PAX7: variants seen among roughly 807,000 people sequenced by gnomAD.
PAX7 encodes paired box protein Pax-7.
A neutral mutation model predicts 50.7 loss-of-function variants in PAX7; 18 were observed. The ratio of observed to expected loss-of-function variants is 0.36; its 90% CI spans 0.25 to 0.53. The LOEUF is 0.53. Among genes scored for constraint, PAX7 ranks in the 20% least tolerant of loss-of-function variants. The pLI is 0.93. For missense variants in PAX7, 644 were observed against 702.9 expected (o/e 0.92, Z 0.95); for synonymous variants, 310 against 290.4 (o/e 1.07, Z -0.69).
In PAX7 at chr1:18,697,442, G is replaced by A. The variant is rs922989295; in HGVS notation, c.787-3211G>A. ...AGAATGATACTTACCTGTGGCTGGC[G>A]CTGTTCTAAGCATGTTGCCTGTGCT... is the stretch of plus-strand genomic sequence containing the variant. On this transcript the variant is annotated intron_variant, in intron 5 of 8. Coordinates refer to ENST00000420770, the MANE Select transcript of PAX7 (RefSeq NM_001135254.2). Among the ~76,000 whole-genome samples the A allele has an allele frequency of 9.2e-5, 14 of 152,278 alleles. No individual in the cohort carries two copies. The East Asian group carries it at 1.7e-3, about 19-fold the overall frequency.
At chr1:18,716,389 A>G (rs2089420418) in intron 7 of PAX7, among the ~76,000 whole-genome samples, 2 of 141,118 alleles carry the variant, frequency 1.4e-5, no homozygotes, top group African/African-American at 5.2e-5. Flanking sequence ...CAGCCCAGCC[A>G]GGCCTGCCTT....
chr1:18,639,932 AC>A, intron 4 of PAX7, among the ~76,000 whole-genome samples: 1 of 151,110 alleles, frequency 6.6e-6, no homozygotes, highest in East Asian at 2.0e-4. Context: ...GGGAAAAGTT[AC>A]AAGATTAGAA....
At chr1:18,712,908 C>G (rs1202217867) in intron 7 of PAX7, among the ~76,000 whole-genome samples, 1 of 152,038 alleles carries the variant, frequency 6.6e-6, no homozygotes, top group African/African-American at 2.4e-5. Flanking sequence ...ATGGTGAAAC[C>G]CCCCCTCTAC....
At chr1:18,668,956 A>G (rs2088705342) in intron 4 of PAX7, among the ~76,000 whole-genome samples, 1 of 152,192 alleles carries the variant, frequency 6.6e-6, no homozygotes. Flanking sequence ...TTCAGCAAAC[A>G]GTGACTCAGC....
At chr1:18,637,838 A>T (rs1156792871) in intron 4 of PAX7, among the ~76,000 whole-genome samples, 2 of 152,220 alleles carry the variant, frequency 1.3e-5, no homozygotes, top group Non-Finnish European at 2.9e-5. Context: ...AGGGCGAGGG[A>T]AGAAAGGGAG....
intron 7 of PAX7, among the ~76,000 whole-genome samples, chr1:18,720,271 A>AC (rs2089477915): frequency 6.6e-6 from 1 of 152,246 alleles, no homozygotes; most frequent in African/African-American, 2.4e-5. Flanking sequence ...CTCAAAGTAA[A>AC]CACCCTGAAC....
At chr1:18,643,082 G>A (rs2088281618) in intron 4 of PAX7, among the ~76,000 whole-genome samples, 2 of 152,176 alleles carry the variant, frequency 1.3e-5, no homozygotes, top group Admixed American at 6.5e-5. Flanking sequence ...AGCCTCGGGA[G>A]GGGTGAAGGG....
intron 4 of PAX7, among the ~76,000 whole-genome samples, chr1:18,665,343 G>A (rs539685837): frequency 7.6e-4 from 116 of 152,240 alleles, no homozygotes; most frequent in Non-Finnish European, 1.2e-3. Context: ...TATGGCATGA[G>A]CGGGCTCGGG....
At chr1:18,714,172 A>G (rs1227156061) in intron 7 of PAX7, among the ~76,000 whole-genome samples, 1 of 152,078 alleles carries the variant, frequency 6.6e-6, no homozygotes, top group Non-Finnish European at 1.5e-5. Flanking sequence ...TAGTCACTGC[A>G]CTTCAGCCTG....
intron 1 of PAX7, among the ~76,000 whole-genome samples, chr1:18,633,779 C>T (rs1198416003): frequency 6.6e-6 from 1 of 152,170 alleles, no homozygotes; most frequent in Non-Finnish European, 1.5e-5. Context: ...CTTTCTAGCC[C>T]CCAACAAACT....
chr1:18,679,394 A>T (rs570704619), intron 4 of PAX7, among the ~76,000 whole-genome samples: 1 of 152,336 alleles, frequency 6.6e-6, no homozygotes, highest in African/African-American at 2.4e-5. Flanking sequence ...CCTCTCAGGC[A>T]TATGGTCCTT....
intron 4 of PAX7, among the ~76,000 whole-genome samples, chr1:18,642,041 A>T (rs1055516350): frequency 6.6e-6 from 1 of 150,534 alleles, no homozygotes; most frequent in Non-Finnish European, 1.5e-5. Flanking sequence ...AAAAGCACAT[A>T]TAACAGTAGC....
At chr1:18,648,429 C>A (rs1346714303) in intron 4 of PAX7, among the ~76,000 whole-genome samples, 1 of 150,518 alleles carries the variant, frequency 6.6e-6, no homozygotes, top group Admixed American at 6.7e-5. Flanking sequence ...GTAGCCACAA[C>A]CTCCCAGGCT....
chr1:18,650,356 C>A (rs1396728228), intron 4 of PAX7, among the ~76,000 whole-genome samples: 1 of 152,242 alleles, frequency 6.6e-6, no homozygotes, highest in African/African-American at 2.4e-5. Flanking sequence ...TCAGTCCCTG[C>A]CCGGCTTGCT....
In PAX7 at chr1:18,635,081, A is replaced by T. The variant is rs573472332; in HGVS notation, c.322-30A>T. Reference sequence around the variant, plus strand: ...TTTCCTCCCCCCATCCCATCTTTCCACTCCTACTCTCCCACCTCCACCTCT... The same window carrying T: ...TTTCCTCCCCCCATCCCATCTTTCCTCTCCTACTCTCCCACCTCCACCTCT... On this transcript the variant is annotated intron_variant, in intron 2 of 8. Coordinates refer to ENST00000420770, the MANE Select transcript of PAX7 (RefSeq NM_001135254.2). The T allele has an allele frequency of 9.9e-6, 16 of 1,609,982 alleles. No individual in the cohort carries two copies. The East Asian group carries it at 3.4e-4, about 34-fold the overall frequency.
intron 7 of PAX7, among the ~76,000 whole-genome samples, chr1:18,715,678 CCT>C (rs1365756304): frequency 1.3e-5 from 2 of 152,200 alleles, no homozygotes; most frequent in African/African-American, 4.8e-5. Flanking sequence ...CTCTTCCCTG[CCT>C]CTGTTTCCCC....
At chr1:18,724,867 A>G (rs2089538422) in intron 7 of PAX7, among the ~76,000 whole-genome samples, 2 of 152,222 alleles carry the variant, frequency 1.3e-5, no homozygotes, top group South Asian at 2.1e-4. Context: ...AAAGCTTTCC[A>G]CACAGCTACG....
In PAX7 at chr1:18,635,117, G is replaced by A. The variant is rs1301311331; in HGVS notation, c.328G>A (p.Ala110Thr). 1.2e-6 allele frequency: 2 copies of A among 1,613,530 alleles called. No individual in the cohort carries two copies. Among genetic ancestry groups the A allele is most frequent in the African/African-American group, 2.7e-5 (2 of 74,902 alleles). ...AIGGSKPRQV[A>T]TPDVEKKIEE... ...CCCACCTCCACCTCTGAAGCAGGTG[G>A]CGACTCCGGATGTAGAGAAAAAGAT... is the stretch of plus-strand genomic sequence containing the variant. Residue 110 changes from alanine to threonine, a missense_variant, in exon 3 of 9, where the codon GCG becomes ACG. Ala to Thr is a moderately conservative substitution (Grantham distance 58, BLOSUM62 0). Transcript: ENST00000420770.
Position 18,748,790 on chromosome 1 carries a change from T to C in PAX7, c.*3861T>C, listed in dbSNP as rs578229951. The C allele has an allele frequency of 1.4e-5, 3 of 221,084 alleles. No individual in the cohort carries two copies. In the East Asian group the frequency reaches 2.0e-4, roughly 14 times the overall value. The allele number at this position is 221,084 out of a possible 1,614,324, so 13.7% of individuals were successfully genotyped here. On this transcript the variant is annotated 3_prime_UTR_variant, in exon 9 of 9. Coordinates refer to ENST00000420770, the MANE Select transcript of PAX7 (RefSeq NM_001135254.2). ...ACTAGAAAGAGAAACTGGTATTTGCTTTAACTACCTGCTGCTTGTAAGCGC... is the reference window on the plus strand; with the variant it reads ...ACTAGAAAGAGAAACTGGTATTTGCCTTAACTACCTGCTGCTTGTAAGCGC...
Sources: allele counts gnomAD v4.1 joint callset (sites outside exome capture counted in the v4.1 genomes callset), GRCh38; gene constraint gnomAD v4.1.1; transcripts MANE v1.5; gene names NCBI Gene and HGNC (gene_info 2026-07-23, HGNC 2026-07-21).